HECA: variants seen among roughly 807,000 people sequenced by gnomAD.
The protein encoded by HECA is HECA ribonucleoprotein granule regulator.
In HECA, 13 loss-of-function variants were observed where a neutral mutation model predicts 37.6. The ratio of observed to expected loss-of-function variants is 0.35; its 90% CI spans 0.23 to 0.55. The LOEUF (loss-of-function observed/expected upper bound fraction) is 0.55, where lower values mean the gene tolerates loss of function less well. HECA is among the 20% of genes least tolerant of loss of function. The pLI is 0.90. For synonymous variants in HECA, 307 were observed against 291.5 expected, an observed-to-expected ratio of 1.05 and a Z score of -0.54; for missense variants, 527 against 701.9, an observed-to-expected ratio of 0.75 and a Z score of 2.82.
At chr6:139,155,629 A>G (rs1774702256) in intron 1 of HECA, 1 of 152,128 alleles carries the variant, frequency 6.6e-6, no homozygotes, top group Non-Finnish European at 1.5e-5. Flanking sequence ...TCCTCTTCCC[A>G]TTTTATGATA....
intron 1 of HECA, among the ~76,000 whole-genome samples, chr6:139,142,350 C>T (rs950815058): frequency 6.6e-6 from 1 of 152,120 alleles, no homozygotes. Flanking sequence ...AAAATTCTTC[C>T]TGTGGACTTG....
intron 2 of HECA, among the ~76,000 whole-genome samples, chr6:139,173,680 G>C (rs148000191): frequency 6.6e-6 from 1 of 152,252 alleles, no homozygotes; most frequent in East Asian, 1.9e-4. Flanking sequence ...TATTTAAACT[G>C]TGATGCTTCC....
chr6:139,159,324 T>G (rs892128765), intron 1 of HECA: 1 of 152,166 alleles, frequency 6.6e-6, no homozygotes, highest in Non-Finnish European at 1.5e-5. Context: ...CAAGGGGATT[T>G]GTTCCCACAT....
intron 2 of HECA, chr6:139,169,816 C>T (rs1774946869): frequency 6.6e-6 from 1 of 152,208 alleles, no homozygotes; most frequent in Admixed American, 6.5e-5. Flanking sequence ...TAACATCACT[C>T]CTGTCACATT....
At chr6:139,158,684 AAAAG>A (rs1343232725) in intron 1 of HECA, among the ~76,000 whole-genome samples, 2 of 151,404 alleles carry the variant, frequency 1.3e-5, no homozygotes, top group Admixed American at 6.6e-5. Context: ...AAAAAAAAAA[AAAAG>A]AAAAATTGGT....
At chr6:139,153,635 C>T (rs1774679002) in intron 1 of HECA, among the ~76,000 whole-genome samples, 3 of 152,014 alleles carry the variant, frequency 2.0e-5, no homozygotes, top group Admixed American at 2.0e-4. Context: ...GTTGGTCAGG[C>T]TGGTCACTCC....
At chr6:139,142,558 C>G (rs1281107725) in intron 1 of HECA, among the ~76,000 whole-genome samples, 3 of 152,092 alleles carry the variant, frequency 2.0e-5, no homozygotes, top group Non-Finnish European at 4.4e-5. Flanking sequence ...CTGGAGGGCC[C>G]CATTTGCATC....
Position 139,150,836 on chromosome 6 carries a change from A to G in HECA, c.271+15169A>G, listed in dbSNP as rs534890034. Reference sequence around the variant, plus strand: ...AATTAAAATATCACTAGCTTAAACTATCAATAGGAGTCTGTAACTCTAAGT... The same window carrying G: ...AATTAAAATATCACTAGCTTAAACTGTCAATAGGAGTCTGTAACTCTAAGT... On this transcript the variant is annotated intron_variant, in intron 1 of 3. Coordinates refer to ENST00000367658, the MANE Select transcript of HECA (RefSeq NM_016217.3). Among the ~76,000 whole-genome samples the G allele has an allele frequency of 2.0e-5, 3 of 152,336 alleles. No homozygotes were observed. The East Asian group carries it at 5.8e-4, about 29-fold the overall frequency.
At chr6:139,169,724 C>T (rs1441215862) in intron 2 of HECA, 3 of 152,342 alleles carry the variant, frequency 2.0e-5, no homozygotes, top group Admixed American at 6.5e-5. Flanking sequence ...GACTTTTTCA[C>T]ATGTTGCTCT....
intron 1 of HECA, among the ~76,000 whole-genome samples, chr6:139,145,637 A>G (rs550741180): frequency 6.6e-6 from 1 of 152,346 alleles, no homozygotes; most frequent in Non-Finnish European, 1.5e-5. Flanking sequence ...GACAAGAGAC[A>G]GATTGCAAGA....
At chr6:139,148,983 A>G (rs766585181) in intron 1 of HECA, among the ~76,000 whole-genome samples, 1 of 152,290 alleles carries the variant, frequency 6.6e-6, no homozygotes, top group South Asian at 2.1e-4. Flanking sequence ...GCCTCTTCTC[A>G]AGAACCAGGC....
chr6:139,148,623 G>A (rs1243870709), intron 1 of HECA, among the ~76,000 whole-genome samples: 1 of 152,148 alleles, frequency 6.6e-6, no homozygotes, highest in Non-Finnish European at 1.5e-5. Flanking sequence ...AACATTAGCT[G>A]GGCATGGTGG....
chr6:139,137,974 T>C (rs1252791681), intron 1 of HECA, among the ~76,000 whole-genome samples: 1 of 152,298 alleles, frequency 6.6e-6, no homozygotes, highest in African/African-American at 2.4e-5. Context: ...AGCCAAATTT[T>C]ATGATGCCTG....
chr6:139,179,659 G>A lies in HECA; in HGVS notation c.*2554G>A, dbSNP rs1775106087. 1 of 152,034 alleles carries A rather than the reference G, an allele frequency of 6.6e-6. No individual in the cohort carries two copies. Among genetic ancestry groups the A allele is most frequent in the Non-Finnish European group, 1.5e-5 (1 of 68,010 alleles). 9.4% of individuals were successfully genotyped at this position (152,034 alleles called of 1,614,324 possible). On this transcript the variant is annotated 3_prime_UTR_variant, in exon 4 of 4. Coordinates refer to ENST00000367658, the MANE Select transcript of HECA (RefSeq NM_016217.3). Reference sequence around the variant, plus strand: ...GCTGATTTGGGAATAAAATATAATCGAATATTCAACACCATGAAGATAAAT... The same window carrying A: ...GCTGATTTGGGAATAAAATATAATCAAATATTCAACACCATGAAGATAAAT...
chr6:139,173,581 G>A (rs959175176), intron 2 of HECA, among the ~76,000 whole-genome samples: 1 of 152,106 alleles, frequency 6.6e-6, no homozygotes, highest in African/African-American at 2.4e-5. Flanking sequence ...TTTTTAACAT[G>A]GGGAAGCACC....
At chr6:139,159,405 C>T (rs1158003757) in intron 1 of HECA, among the ~76,000 whole-genome samples, 1 of 152,174 alleles carries the variant, frequency 6.6e-6, no homozygotes, top group Non-Finnish European at 1.5e-5. Flanking sequence ...TTCACTTTTA[C>T]ACAGCTAGTA....
At chr6:139,158,807 C>G (rs1366856555) in intron 1 of HECA, among the ~76,000 whole-genome samples, 1 of 152,130 alleles carries the variant, frequency 6.6e-6, no homozygotes, top group African/African-American at 2.4e-5. Context: ...GGCACAGTGG[C>G]CCATGCCTAT....
At chr6:139,164,316 T>C (rs1468152514) in intron 1 of HECA, among the ~76,000 whole-genome samples, 2 of 152,020 alleles carry the variant, frequency 1.3e-5, no homozygotes, top group African/African-American at 2.4e-5. Context: ...TGGTTCCCAA[T>C]TGGGAGAGTA....
rs961870250 is a variant in HECA, at chr6:139,176,088, G to A, written c.1468-853G>A. On this transcript the variant is annotated intron_variant, in intron 3 of 3. Coordinates refer to ENST00000367658, the MANE Select transcript of HECA (RefSeq NM_016217.3). This position sits in a 1 kb window ranked among gnomAD's most constrained non-coding sequence, Gnocchi z 4.5. ...GTTTGCTCAGAATCACACTTTTAAT[G>A]TTGTTCAGAGAGATTACGTAGTTAA... 6.6e-6 allele frequency among the ~76,000 whole-genome samples: 1 copy of A among 152,202 alleles called. No homozygotes were observed. Among genetic ancestry groups the A allele is most frequent in the Non-Finnish European group, 1.5e-5 (1 of 68,044 alleles).
Sources: gnomAD v4.1 joint callset for allele counts (sites outside exome capture counted in the v4.1 genomes callset) on GRCh38, gnomAD v4.1.1 for gene constraint, Gnocchi (gnomAD v3.1) non-coding constraint, MANE v1.5 for transcripts, NCBI Gene and HGNC (gene_info 2026-07-23, HGNC 2026-07-21) for gene names.